Variants in DCAF6 observed in about 807,000 individuals in gnomAD.
The protein encoded by DCAF6 is DDB1- and CUL4-associated factor 6.
In DCAF6, 54 loss-of-function variants were observed where a neutral mutation model predicts 125.1. That is an observed-to-expected ratio of 0.43 (90% CI 0.35 to 0.54). DCAF6 has a LOEUF of 0.54. Among genes scored for constraint, DCAF6 ranks in the 20% least tolerant of loss-of-function variants. The pLI is 0.01. For missense variants in DCAF6, 934 were observed against 1,161.7 expected (o/e 0.80, Z 2.85); for synonymous variants, 371 against 390.4 (o/e 0.95, Z 0.58).
At chr1:168,060,805 C>G (rs961096594) in intron 17 of DCAF6, among the ~76,000 whole-genome samples, 2 of 152,134 alleles carry the variant, frequency 1.3e-5, no homozygotes, top group Non-Finnish European at 1.5e-5. Context: ...AGGAGAATTG[C>G]TTGAACCTGG....
Position 167,944,653 on chromosome 1 carries a change from GA to G in DCAF6, c.98-7146del, listed in dbSNP as rs146782783. Among the ~76,000 whole-genome samples the G allele has an allele frequency of 3.8e-3, 585 of 152,208 alleles. 6 individuals are homozygous for G. Among genetic ancestry groups the G allele is most frequent in the East Asian group, 0.021 (108 of 5,182 alleles). On this transcript the variant is annotated intron_variant, in intron 1 of 21. Coordinates refer to ENST00000367840, the MANE Select transcript of DCAF6 (RefSeq NM_001198956.2). The stretch of plus-strand genomic sequence containing the variant: ...TGCCTACTTTTTAATAGGATTGTTA[GA>G]TTTTTTTGGTTGTTGAATCGTTTGA...
chr1:167,976,338 G>A (rs1035560746), intron 4 of DCAF6, among the ~76,000 whole-genome samples: 1 of 152,062 alleles, frequency 6.6e-6, no homozygotes, highest in African/African-American at 2.4e-5. Flanking sequence ...GTGTGGTGGT[G>A]CACGCCTGTA....
At chr1:167,921,900 A>C in the DCAF6 span, among the ~76,000 whole-genome samples, 2 of 152,210 alleles carry the variant, frequency 1.3e-5, no homozygotes, top group Admixed American at 6.5e-5. Flanking sequence ...TATTTAAGGT[A>C]CATAGGTTTT....
intron 12 of DCAF6, among the ~76,000 whole-genome samples, chr1:168,031,654 A>G (rs1330515141): frequency 6.6e-6 from 1 of 152,132 alleles, no homozygotes; most frequent in Non-Finnish European, 1.5e-5. Flanking sequence ...TAACTTGTTA[A>G]TTTATCTACA....
chr1:167,963,884 A>G (rs1445163252), intron 2 of DCAF6, among the ~76,000 whole-genome samples: 1 of 152,222 alleles, frequency 6.6e-6, no homozygotes, highest in African/African-American at 2.4e-5. Context: ...TTCAAATAAC[A>G]CTATAATGAT....
chr1:167,912,363 C>T, the DCAF6 span, among the ~76,000 whole-genome samples: 1 of 152,212 alleles, frequency 6.6e-6, no homozygotes, highest in African/African-American at 2.4e-5. Flanking sequence ...ATGGCGATTC[C>T]GGAGGCCTTC....
chr1:167,937,253 G>T, intron 1 of DCAF6: 1 of 570,114 alleles, frequency 1.8e-6, no homozygotes, highest in Non-Finnish European at 3.2e-6. Flanking sequence ...TGGGCAGAAG[G>T]TACTGGCTTG....
intron 16 of DCAF6, among the ~76,000 whole-genome samples, chr1:168,050,389 A>T (rs1490202296): frequency 6.6e-6 from 1 of 152,178 alleles, no homozygotes; most frequent in Admixed American, 6.5e-5. Context: ...TATTAAAGAA[A>T]ATTGCAGAGA....
At chr1:167,925,442 C>CATATATATAT in the DCAF6 span, among the ~76,000 whole-genome samples, 1,620 of 82,208 alleles carry the variant, frequency 0.02, 35 homozygotes, top group South Asian at 0.036. Context: ...TACATATACA[C>CATATATATAT]ATATATATAT....
Position 168,038,363 on chromosome 1 carries a change from AT to A in DCAF6, c.1610-4del. The A allele has an allele frequency of 8.1e-6, 13 of 1,595,916 alleles. No homozygotes were observed. Among genetic ancestry groups the A allele is most frequent in the Non-Finnish European group, 9.4e-6 (11 of 1,170,950 alleles). On this transcript the variant is annotated splice_polypyrimidine_tract_variant and splice_region_variant and intron_variant, in intron 12 of 21. Transcript: ENST00000367840. ...GACTTTTTCAAATGTTTTAAACACA[AT>A]TTTCAGATAACAATAATGAAAAGCT...
intron 10 of DCAF6, among the ~76,000 whole-genome samples, chr1:168,006,154 G>A (rs996789756): frequency 6.6e-6 from 1 of 152,120 alleles, no homozygotes; most frequent in African/African-American, 2.4e-5. Context: ...ATATTTATGA[G>A]TAAAGTATTT....
intron 1 of DCAF6, among the ~76,000 whole-genome samples, chr1:167,941,372 A>G (rs954938877): frequency 6.6e-6 from 1 of 152,230 alleles, no homozygotes; most frequent in African/African-American, 2.4e-5. Flanking sequence ...GAATCAAGTT[A>G]TAAGTGCTTA....
chr1:168,034,569 T>A (rs1687560826), intron 12 of DCAF6, among the ~76,000 whole-genome samples: 1 of 152,208 alleles, frequency 6.6e-6, no homozygotes, highest in Non-Finnish European at 1.5e-5. Flanking sequence ...AGCTTATTGT[T>A]TTCAGTTCAT....
At chr1:167,990,977 A>G (rs894935959) in intron 5 of DCAF6, among the ~76,000 whole-genome samples, 4 of 152,132 alleles carry the variant, frequency 2.6e-5, no homozygotes, top group Non-Finnish European at 5.9e-5. Context: ...TTGATTGAGT[A>G]TATTTATTTT....
At chr1:168,006,757 T>C (rs1362258517) in intron 10 of DCAF6, among the ~76,000 whole-genome samples, 1 of 152,198 alleles carries the variant, frequency 6.6e-6, no homozygotes, top group Non-Finnish European at 1.5e-5. Flanking sequence ...TATACTTCTG[T>C]CTATGCTTGC....
chr1:168,024,759 G>A (rs1686117980), intron 12 of DCAF6, among the ~76,000 whole-genome samples: 1 of 150,190 alleles, frequency 6.7e-6, no homozygotes, highest in Admixed American at 6.6e-5. Context: ...AGCCGAGATT[G>A]CGCCATTGCA....
At chr1:167,976,559 A>G (rs140717937) in intron 4 of DCAF6, among the ~76,000 whole-genome samples, 1 of 152,198 alleles carries the variant, frequency 6.6e-6, no homozygotes, top group Non-Finnish European at 1.5e-5. Flanking sequence ...CTTGCTTCTA[A>G]GATAGACATT....
chr1:168,003,559 T>G (rs543340128), intron 8 of DCAF6, among the ~76,000 whole-genome samples: 62 of 152,226 alleles, frequency 4.1e-4, no homozygotes, highest in African/African-American at 1.5e-3. Context: ...TGGGTACTCT[T>G]AGAACTAAAA....
At chr1:168,032,561 T>A in intron 12 of DCAF6, among the ~76,000 whole-genome samples, 1 of 152,352 alleles carries the variant, frequency 6.6e-6, no homozygotes, top group Non-Finnish European at 1.5e-5. Flanking sequence ...AGTTAAACTT[T>A]ATTATTTTTT....
Sources: allele counts gnomAD v4.1 joint callset (sites outside exome capture counted in the v4.1 genomes callset), GRCh38; gene constraint gnomAD v4.1.1; transcripts MANE v1.5; gene names NCBI Gene and HGNC (gene_info 2026-07-23, HGNC 2026-07-21).